Variants in TBC1D2 observed in about 807,000 individuals in gnomAD.
TBC1D2 encodes the protein TBC1 domain family member 2.
TBC1D2 carries 58 observed loss-of-function variants against 91.1 expected under a neutral mutation model. The observed-to-expected ratio is 0.64, with a 90% CI of 0.52 to 0.79. The LOEUF (loss-of-function observed/expected upper bound fraction) is 0.79. Ranked by LOEUF, TBC1D2 falls within the 30% of genes least tolerant of loss-of-function variation. The pLI, the probability that TBC1D2 is intolerant of heterozygous loss-of-function variation, is 0.00. For missense variants in TBC1D2, 1,080 were observed against 1,208.3 expected, an observed-to-expected ratio of 0.89 and a Z score of 1.57; for synonymous variants, 482 against 511.5, an observed-to-expected ratio of 0.94 and a Z score of 0.78.
At chr9:98,208,537 C>T (rs1433326336) in intron 9 of TBC1D2, 131 bp downstream of exon 9, 15 of 848,542 alleles carry the variant, frequency 1.8e-5, no homozygotes, top group East Asian at 1.5e-4. Flanking sequence ...AATGCTCTCT[C>T]GCCCACTGCT....
chr9:98,212,665 C>T (rs1036927118), intron 7 of TBC1D2, among the ~76,000 whole-genome samples: 2 of 152,164 alleles, frequency 1.3e-5, no homozygotes, highest in Non-Finnish European at 2.9e-5. Flanking sequence ...CCATGCCCGG[C>T]TAATTTTTTT....
At chr9:98,234,043 A>G (rs537057914) in intron 3 of TBC1D2, among the ~76,000 whole-genome samples, 1 of 152,178 alleles carries the variant, frequency 6.6e-6, no homozygotes, top group Admixed American at 6.5e-5. Flanking sequence ...TAAGTTGCAA[A>G]CATCTCCTGG....
chr9:98,244,735 T>G (rs187208180), intron 2 of TBC1D2, among the ~76,000 whole-genome samples: 2 of 148,900 alleles, frequency 1.3e-5, no homozygotes, highest in Admixed American at 1.3e-4. Context: ...AAGATGGAAG[T>G]GCAGACAAAA....
intron 1 of TBC1D2, among the ~76,000 whole-genome samples, chr9:98,254,001 C>T (rs750382351): frequency 5.3e-5 from 8 of 152,160 alleles, no homozygotes; most frequent in African/African-American, 9.7e-5. Flanking sequence ...CACATAGACC[C>T]GGGAACCACA....
At chr9:98,232,342 GT>G (rs753455224) in intron 4 of TBC1D2, among the ~76,000 whole-genome samples, 20 of 86,762 alleles carry the variant, frequency 2.3e-4, no homozygotes, top group East Asian at 3.1e-4. Context: ...CTCTTTTTCT[GT>G]TTTTTTTTTT....
intron 6 of TBC1D2, among the ~76,000 whole-genome samples, chr9:98,214,338 G>A (rs1828921022): frequency 3.9e-5 from 1 of 25,954 alleles, no homozygotes. Context: ...ACGTGGCCAG[G>A]TTGATTTGGA....
In TBC1D2 at chr9:98,230,536, A is replaced by C. The variant is rs559521229; in HGVS notation, c.782-1388T>G. Among the ~76,000 whole-genome samples, 3 of 152,378 alleles carry C rather than the reference A, an allele frequency of 2.0e-5. No homozygotes were observed. The South Asian group carries it at 6.2e-4, about 32-fold the overall frequency. Reference sequence around the variant, plus strand: ...ACACGCAGGGCTTTGGGGATAGGCCAAATGACTTAGCATGAGACCAGGCCA... The same window carrying C: ...ACACGCAGGGCTTTGGGGATAGGCCCAATGACTTAGCATGAGACCAGGCCA... On this transcript the variant is annotated intron_variant, in intron 4 of 12. Coordinates refer to ENST00000465784, the MANE Select transcript of TBC1D2 (RefSeq NM_001267571.2).
intron 7 of TBC1D2, 37 bp downstream of exon 7, chr9:98,213,071 G>A: frequency 6.2e-7 from 1 of 1,610,964 alleles, no homozygotes; most frequent in South Asian, 1.1e-5. Flanking sequence ...AGAGGGGCCA[G>A]GGATGGAGAC....
In TBC1D2 at chr9:98,223,973, T is replaced by G. The variant is rs568790069; in HGVS notation, c.979-2745A>C. Among the ~76,000 whole-genome samples the G allele has an allele frequency of 1.1e-4, 17 of 151,932 alleles. No homozygotes were observed. In the East Asian group the frequency reaches 1.2e-3, roughly 10 times the overall value. ...CCAGCACTTTGGGAGGCCAAGGCGG[T>G]CGGATCACGAGGTCAGGAGATCGAG... On this transcript the variant is annotated intron_variant, in intron 5 of 12. Coordinates refer to ENST00000465784, the MANE Select transcript of TBC1D2 (RefSeq NM_001267571.2).
At chr9:98,215,659 C>T (rs1475291520) in intron 6 of TBC1D2, among the ~76,000 whole-genome samples, 2 of 152,178 alleles carry the variant, frequency 1.3e-5, no homozygotes, top group South Asian at 2.1e-4. Context: ...AGGCAGGCAC[C>T]ACCATGCCTA....
intron 9 of TBC1D2, among the ~76,000 whole-genome samples, chr9:98,207,464 G>GAGATA (rs1368479003): frequency 1.3e-5 from 2 of 152,360 alleles, no homozygotes; most frequent in East Asian, 3.9e-4. Flanking sequence ...TCTTGGAGGG[G>GAGATA]AGATAGCCCT....
At chr9:98,217,303 G>A (rs1828994105) in intron 6 of TBC1D2, among the ~76,000 whole-genome samples, 1 of 152,246 alleles carries the variant, frequency 6.6e-6, no homozygotes, top group Non-Finnish European at 1.5e-5. Flanking sequence ...AGGGAAGCAG[G>A]AGCCCGGGAA....
intron 2 of TBC1D2, among the ~76,000 whole-genome samples, chr9:98,244,956 T>C (rs1160128998): frequency 1.3e-5 from 2 of 151,754 alleles, no homozygotes; most frequent in African/African-American, 4.8e-5. Context: ...TAAAAAAAAA[T>C]TGGGCCGGGC....
Position 98,199,029 on chromosome 9 carries a change from T to A in TBC1D2, c.*352A>T. On this transcript the variant is annotated 3_prime_UTR_variant, in exon 13 of 13. Transcript: ENST00000465784. ...AGAACTGTTTAAGTTCCAAAGCTTA[T>A]GAATGATTTCCACCATTTACATTGT... 4 of 374,850 alleles carry A rather than the reference T, an allele frequency of 1.1e-5. No individual in the cohort carries two copies. The allele number at this position is 374,850 out of a possible 1,614,324, so 23.2% of individuals were successfully genotyped here. A position where few individuals can be genotyped will look rare whatever the true frequency, so the allele number is the denominator to read the frequency against.
chr9:98,224,280 CTTTTTTTTTT>C (rs1170210699), intron 5 of TBC1D2, among the ~76,000 whole-genome samples: 26 of 107,432 alleles, frequency 2.4e-4, no homozygotes, highest in Admixed American at 1.1e-3. Flanking sequence ...TTTTTCTTTT[CTTTTTTTTTT>C]TTTTTTTTTT....
In TBC1D2 at chr9:98,199,233, G is replaced by C; in HGVS notation, c.*148C>G. 1 of 849,840 alleles carries C rather than the reference G, an allele frequency of 1.2e-6. No individual in the cohort carries two copies. Among genetic ancestry groups the C allele is most frequent in the African/African-American group, 1.7e-5 (1 of 59,270 alleles). 52.6% of individuals were successfully genotyped at this position (849,840 alleles called of 1,614,324 possible). On this transcript the variant is annotated 3_prime_UTR_variant, in exon 13 of 13. Coordinates refer to ENST00000465784, the MANE Select transcript of TBC1D2 (RefSeq NM_001267571.2). Reference sequence around the variant, plus strand: ...CTTTGCAGCACACAATGTCCCAGTGGGGAAACTGAGGGCCAGAGAGGGGAA... The same window carrying C: ...CTTTGCAGCACACAATGTCCCAGTGCGGAAACTGAGGGCCAGAGAGGGGAA...
Position 98,199,399 on chromosome 9 carries a change from C to T in TBC1D2, c.2769G>A (p.Glu923=). The T allele has an allele frequency of 6.2e-7, 1 of 1,613,304 alleles. No homozygotes were observed. Reference sequence around the variant, plus strand: ...GGCCAAGTCAGGCTTCCCCCTCCACCTCGTCCTCGCTGGCACAGCCCTCGG... The same window carrying T: ...GGCCAAGTCAGGCTTCCCCCTCCACTTCGTCCTCGCTGGCACAGCCCTCGG... The part of the protein sequence containing the change: ...AVSEGCASED[E]VEGEA The change falls in exon 13 of 13, where the codon GAG becomes GAA. Residue 923 remains glutamate (E), a synonymous_variant. Coordinates refer to ENST00000465784, the MANE Select transcript of TBC1D2 (RefSeq NM_001267571.2).
intron 2 of TBC1D2, 89 bp from the exon 3 acceptor site, chr9:98,244,218 T>G (rs1017633662): frequency 6.5e-7 from 1 of 1,547,292 alleles, no homozygotes; most frequent in African/African-American, 1.4e-5. Flanking sequence ...CAGCCCTGAC[T>G]GGGAACAGGC....
intron 7 of TBC1D2, 121 bp downstream of exon 7, chr9:98,212,986 AG>A (rs1289251050): frequency 9.4e-7 from 1 of 1,060,406 alleles, no homozygotes; most frequent in African/African-American, 1.6e-5. Context: ...CCTGCTCACA[AG>A]GGGTCAGTTC....
Sources: allele counts gnomAD v4.1 joint callset (sites outside exome capture counted in the v4.1 genomes callset), GRCh38; gene constraint gnomAD v4.1.1; transcripts MANE v1.5; gene names NCBI Gene and HGNC (gene_info 2026-07-23, HGNC 2026-07-21).